Variants in NT5DC1 observed in about 807,000 individuals in gnomAD.
NT5DC1 encodes 5'-nucleotidase domain-containing protein 1.
NT5DC1 carries 42 observed loss-of-function variants against 59.4 expected under a neutral mutation model. That is an observed-to-expected ratio of 0.71 (90% CI 0.55 to 0.92). The LOEUF (loss-of-function observed/expected upper bound fraction) is 0.92. NT5DC1 is among the 40% of genes least tolerant of loss of function. The pLI is 0.00. For missense variants in NT5DC1, 501 were observed against 537.1 expected, an observed-to-expected ratio of 0.93 and a Z score of 0.66; for synonymous variants, 172 against 188.1, an observed-to-expected ratio of 0.91 and a Z score of 0.70.
At chr6:116,215,352 C>T (rs1781668935) in intron 6 of NT5DC1, among the ~76,000 whole-genome samples, 1 of 152,134 alleles carries the variant, frequency 6.6e-6, no homozygotes, top group Admixed American at 6.6e-5. Flanking sequence ...ACTGTGGAGC[C>T]TAAGCTGACT....
intron 8 of NT5DC1, among the ~76,000 whole-genome samples, chr6:116,235,514 A>T (rs1169771737): frequency 6.6e-6 from 1 of 152,260 alleles, no homozygotes; most frequent in Non-Finnish European, 1.5e-5. Context: ...ATTTGGCTGT[A>T]ATTATCTATA....
rs186570417 is a variant in NT5DC1 at position 116,214,827 on chromosome 6, A to G, written c.530-6227A>G. Among the ~76,000 whole-genome samples the G allele has an allele frequency of 2.0e-4, 31 of 152,212 alleles. 1 individual carries two copies. In the East Asian group the frequency reaches 2.7e-3, roughly 13 times the overall value. ...CTAAAACTTAAAGTATAATAAAAAA[A>G]AAAAGAGTTATCTGGCTGGACATCA... On this transcript the variant is annotated intron_variant, in intron 6 of 11. Transcript: ENST00000319550.
intron 6 of NT5DC1, among the ~76,000 whole-genome samples, chr6:116,161,961 G>A (rs773703075): frequency 1.6e-4 from 25 of 151,910 alleles, no homozygotes; most frequent in Non-Finnish European, 2.6e-4. Context: ...GATAGTTTAT[G>A]TTTTTGTATG....
At chr6:116,118,411 A>G (rs74814595) in intron 6 of NT5DC1, among the ~76,000 whole-genome samples, 2,919 of 152,286 alleles carry the variant, frequency 0.019, 40 homozygotes, top group Non-Finnish European at 0.029. Flanking sequence ...TTACCTTTCC[A>G]ATCACAGCTT....
At chr6:116,216,517 T>C (rs1038711104) in intron 6 of NT5DC1, among the ~76,000 whole-genome samples, 40 of 151,970 alleles carry the variant, frequency 2.6e-4, no homozygotes, top group African/African-American at 9.7e-4. Context: ...AATGTAAATT[T>C]TGTATATTAT....
chr6:116,135,967 A>C (rs963776192), intron 6 of NT5DC1, among the ~76,000 whole-genome samples: 1 of 151,118 alleles, frequency 6.6e-6, no homozygotes, highest in African/African-American at 2.4e-5. Flanking sequence ...CTACTCTTTT[A>C]GCGTATTTTA....
intron 6 of NT5DC1, chr6:116,125,966 A>T: frequency 6.5e-6 from 1 of 154,842 alleles, no homozygotes; most frequent in Non-Finnish European, 1.4e-5. Context: ...AATACTTCTA[A>T]TACTTGAGAA....
rs1480764330 is a variant in NT5DC1 at position 116,238,244 on chromosome 6, A to T, written c.979A>T (p.Asn327Tyr). ...TATTTTCCCAGCTCGTCACTATAGT[A>T]ATTGGGAGACAGTCCTCATCCTGGA... ...SDIFPARHYS[N>Y]WETVLILEEL... Residue 327 changes from asparagine (N) to tyrosine (Y), a missense_variant, in exon 10 of 12, where the codon AAT becomes TAT. By Grantham distance (143) the Asn-to-Tyr change is moderately radical. Transcript: ENST00000319550. 1.2e-6 allele frequency: 2 copies of T among 1,612,534 alleles called. No homozygotes were observed. The highest frequency in any genetic ancestry group is 4.5e-5 in the East Asian group (2 of 44,780).
At chr6:116,190,046 TC>T (rs1402734966) in intron 6 of NT5DC1, among the ~76,000 whole-genome samples, 1 of 152,004 alleles carries the variant, frequency 6.6e-6, no homozygotes, top group African/African-American at 2.4e-5. Flanking sequence ...ATTTCATCTC[TC>T]TGAATCACTG....
chr6:116,118,148 C>A, intron 6 of NT5DC1: 1 of 591,012 alleles, frequency 1.7e-6, no homozygotes, highest in Non-Finnish European at 3.1e-6. Context: ...GCCCATATTC[C>A]AAGCTGTGCT....
Position 116,121,626 on chromosome 6 carries a change from T to G in NT5DC1, c.529+3681T>G, listed in dbSNP as rs527396680. 8 of 1,613,918 alleles carry G rather than the reference T, an allele frequency of 5.0e-6. No individual in the cohort carries two copies. In the Admixed American group the frequency reaches 1.2e-4, roughly 24 times the overall value. On this transcript the variant is annotated intron_variant, in intron 6 of 11. Transcript: ENST00000319550. ...AAGCCCCTGGGTCCTGGGGCTCCTG[T>G]GGGTCCCTGTTGTCCAGGTTTTCCT...
intron 6 of NT5DC1, among the ~76,000 whole-genome samples, chr6:116,212,845 C>G (rs961974): frequency 6.6e-6 from 1 of 152,072 alleles, no homozygotes; most frequent in Non-Finnish European, 1.5e-5. Context: ...GCTTTAAATA[C>G]TTGTTAATTT....
intron 6 of NT5DC1, among the ~76,000 whole-genome samples, chr6:116,190,477 G>A (rs1168489988): frequency 6.6e-6 from 1 of 151,976 alleles, no homozygotes; most frequent in East Asian, 1.9e-4. Flanking sequence ...GGTTACAGAA[G>A]TTAGCGGCAG....
chr6:116,226,806 G>A (rs118087568), intron 8 of NT5DC1, among the ~76,000 whole-genome samples: 6,949 of 151,826 alleles, frequency 0.046, 177 homozygotes, highest in Non-Finnish European at 0.059. Flanking sequence ...TAAACACTTA[G>A]TTTTTTAATT....
At chr6:116,219,061 T>C (rs1781742250) in intron 6 of NT5DC1, among the ~76,000 whole-genome samples, 1 of 151,626 alleles carries the variant, frequency 6.6e-6, no homozygotes, top group Admixed American at 6.6e-5. Context: ...AGGCCCGAGG[T>C]GGGAGGATCA....
At chr6:116,237,341 C>T in intron 9 of NT5DC1, 1 of 595,790 alleles carries the variant, frequency 1.7e-6, no homozygotes, top group Non-Finnish European at 3.1e-6. Flanking sequence ...ATATATAAAA[C>T]AAACAACTGA....
At chr6:116,191,291 C>G (rs1187740470) in intron 6 of NT5DC1, among the ~76,000 whole-genome samples, 1 of 151,966 alleles carries the variant, frequency 6.6e-6, no homozygotes, top group African/African-American at 2.4e-5. Context: ...AGATGCAAAA[C>G]AAGGAAGAGC....
intron 6 of NT5DC1, chr6:116,137,184 A>T (rs1310891834): frequency 1.1e-5 from 2 of 182,838 alleles, no homozygotes; most frequent in East Asian, 2.8e-4. Flanking sequence ...ACCCAAAGGG[A>T]TGTCTGCCAC....
At chr6:116,102,859 G>A (rs1278033975) in intron 1 of NT5DC1, among the ~76,000 whole-genome samples, 5 of 152,220 alleles carry the variant, frequency 3.3e-5, no homozygotes, top group African/African-American at 4.8e-5. Flanking sequence ...CCTTGTGGTG[G>A]GTAGTATGAC....
Sources: allele counts gnomAD v4.1 joint callset (sites outside exome capture counted in the v4.1 genomes callset), GRCh38; gene constraint gnomAD v4.1.1; transcripts MANE v1.5; gene names NCBI Gene and HGNC (gene_info 2026-07-23, HGNC 2026-07-21).